RSPO2: variants seen among roughly 807,000 people sequenced by gnomAD.
RSPO2 encodes R-spondin-2.
A neutral mutation model predicts 30.9 loss-of-function variants in RSPO2; 14 were observed. The observed-to-expected ratio is 0.45, with a 90% CI of 0.30 to 0.71. RSPO2 has a LOEUF of 0.71. Among genes scored for constraint, RSPO2 ranks in the 30% least tolerant of loss-of-function variants. The probability of loss-of-function intolerance (pLI) is 0.08; values close to 1 mark genes in which losing one functional copy is unlikely to be tolerated. For synonymous variants in RSPO2, 107 were observed against 96.4 expected, an observed-to-expected ratio of 1.11 and a Z score of -0.64; for missense variants, 264 against 301.9, an observed-to-expected ratio of 0.87 and a Z score of 0.93.
chr8:108,064,552 G>T (rs1266350041), intron 2 of RSPO2, among the ~76,000 whole-genome samples: 7 of 152,180 alleles, frequency 4.6e-5, no homozygotes, highest in Non-Finnish European at 7.3e-5. Context: ...TGGAGAAATA[G>T]GAACACTTAT....
At chr8:107,973,596 C>T (rs1814095701) in intron 3 of RSPO2, among the ~76,000 whole-genome samples, 1 of 151,782 alleles carries the variant, frequency 6.6e-6, no homozygotes, top group East Asian at 1.9e-4. Flanking sequence ...AACTGCCTCC[C>T]GTTGTTCTAA....
chr8:107,990,239 C>T (rs1001653808), intron 2 of RSPO2, among the ~76,000 whole-genome samples: 14 of 152,176 alleles, frequency 9.2e-5, no homozygotes, highest in Admixed American at 7.9e-4. Context: ...TAAAAAGGTA[C>T]TAAGCATGTA....
intron 2 of RSPO2, among the ~76,000 whole-genome samples, chr8:108,032,159 A>G (rs1379106068): frequency 6.6e-6 from 1 of 152,250 alleles, no homozygotes; most frequent in Non-Finnish European, 1.5e-5. Context: ...AAGATTTTTA[A>G]AAAAGAAAAA....
intron 3 of RSPO2, among the ~76,000 whole-genome samples, chr8:107,964,210 C>A (rs569782120): frequency 7.8e-4 from 119 of 152,280 alleles, no homozygotes; most frequent in African/African-American, 2.8e-3. Flanking sequence ...CACCTACAAA[C>A]CCAATATTTT....
At chr8:108,041,971 T>C (rs955751341) in intron 2 of RSPO2, among the ~76,000 whole-genome samples, 9 of 151,870 alleles carry the variant, frequency 5.9e-5, no homozygotes, top group African/African-American at 1.9e-4. Flanking sequence ...AAAAAAATAG[T>C]AAAAATAATA....
At chr8:107,940,322 A>C (rs1033287540) in intron 5 of RSPO2, among the ~76,000 whole-genome samples, 13 of 152,082 alleles carry the variant, frequency 8.5e-5, no homozygotes, top group African/African-American at 3.1e-4. Flanking sequence ...TTTTATTAAC[A>C]GACACTAGCC....
intron 5 of RSPO2, among the ~76,000 whole-genome samples, chr8:107,948,986 A>G (rs1402148100): frequency 6.7e-6 from 1 of 149,664 alleles, no homozygotes; most frequent in Non-Finnish European, 1.5e-5. Flanking sequence ...TTTTGGTTCA[A>G]ATTTTATTGC....
intron 2 of RSPO2, among the ~76,000 whole-genome samples, chr8:108,042,113 G>A (rs1365155409): frequency 1.3e-5 from 2 of 152,140 alleles, no homozygotes; most frequent in African/African-American, 4.8e-5. Context: ...AGAATTGAGA[G>A]ATTGAAGGGT....
chr8:107,978,216 T>C (rs1814282764), intron 3 of RSPO2, among the ~76,000 whole-genome samples: 1 of 151,954 alleles, frequency 6.6e-6, no homozygotes, highest in South Asian at 2.1e-4. Context: ...TCACCCCAGG[T>C]CAGGAGTTTG....
chr8:108,069,381 T>G (rs1812773496), intron 2 of RSPO2, among the ~76,000 whole-genome samples: 1 of 152,140 alleles, frequency 6.6e-6, no homozygotes, highest in Non-Finnish European at 1.5e-5. Context: ...ACCCAGCTAA[T>G]TTTTGTATTT....
chr8:108,055,986 G>T (rs188672831), intron 2 of RSPO2, among the ~76,000 whole-genome samples: 2 of 152,138 alleles, frequency 1.3e-5, no homozygotes, highest in African/African-American at 4.8e-5. Context: ...TCTGAACTTA[G>T]ACAAACCATT....
At chr8:107,965,234 G>A (rs553027337) in intron 3 of RSPO2, among the ~76,000 whole-genome samples, 12 of 152,188 alleles carry the variant, frequency 7.9e-5, no homozygotes, top group Admixed American at 1.3e-4. Flanking sequence ...ACCGAATGAG[G>A]ACTGCCAATA....
At chr8:108,013,796 G>T (rs982273318) in intron 2 of RSPO2, among the ~76,000 whole-genome samples, 1 of 152,150 alleles carries the variant, frequency 6.6e-6, no homozygotes, top group Non-Finnish European at 1.5e-5. Context: ...TATGTGCAAT[G>T]ACTTCATAAC....
At chr8:108,030,415 T>A (rs1811383749) in intron 2 of RSPO2, among the ~76,000 whole-genome samples, 1 of 152,180 alleles carries the variant, frequency 6.6e-6, no homozygotes, top group Admixed American at 6.5e-5. Flanking sequence ...CTGTAATGTA[T>A]AAGCAGTGGC....
chr8:107,973,424 T>C (rs1323964868), intron 3 of RSPO2, among the ~76,000 whole-genome samples: 3 of 152,114 alleles, frequency 2.0e-5, no homozygotes, highest in Non-Finnish European at 4.4e-5. Flanking sequence ...TATATCGGTC[T>C]GCTTTATGAA....
At position 108,082,662 on chromosome 8, in the gene RSPO2, A is replaced by G. The variant is rs369074139; in HGVS notation, c.-24T>C. 72 of 1,591,822 alleles carry G rather than the reference A, an allele frequency of 4.5e-5. No individual in the cohort carries two copies. Among genetic ancestry groups the G allele is most frequent in the Non-Finnish European group, 6.1e-5 (71 of 1,160,328 alleles). The stretch of plus-strand genomic sequence containing the variant: ...ATCTGGGCGGTCGGGCGGGGGAGAG[A>G]CGCCTCTCAAAGTCTAGGAACTGGA... On this transcript the variant is annotated 5_prime_UTR_variant, in exon 2 of 6. Coordinates refer to ENST00000276659, the MANE Select transcript of RSPO2 (RefSeq NM_178565.5).
chr8:107,943,228 CACAG>C (rs141833538), intron 5 of RSPO2, among the ~76,000 whole-genome samples: 2,111 of 152,290 alleles, frequency 0.014, 36 homozygotes, highest in African/African-American at 0.047. Flanking sequence ...CGCGCGCACA[CACAG>C]ACACACACAC....
intron 2 of RSPO2, among the ~76,000 whole-genome samples, chr8:108,063,325 C>T (rs1369048684): frequency 4.6e-5 from 7 of 151,828 alleles, no homozygotes; most frequent in Non-Finnish European, 1.0e-4. Flanking sequence ...TAGGCAACTT[C>T]AGCAAAGTCT....
chr8:107,976,646 T>C (rs982474790), intron 3 of RSPO2, among the ~76,000 whole-genome samples: 2 of 152,138 alleles, frequency 1.3e-5, no homozygotes, highest in African/African-American at 2.4e-5. Context: ...ACACTGGGGC[T>C]CAGATTATGT....
Sources: allele counts gnomAD v4.1 joint callset (sites outside exome capture counted in the v4.1 genomes callset), GRCh38; gene constraint gnomAD v4.1.1; transcripts MANE v1.5; gene names NCBI Gene and HGNC (gene_info 2026-07-23, HGNC 2026-07-21).